KCNT1: variants seen among roughly 807,000 people sequenced by gnomAD.
KCNT1 encodes the protein potassium channel subfamily T member 1.
A neutral mutation model predicts 147.8 loss-of-function variants in KCNT1; 78 were observed. That is an observed-to-expected ratio of 0.53 (90% CI 0.44 to 0.64). The LOEUF (loss-of-function observed/expected upper bound fraction) is 0.64. Among genes scored for constraint, KCNT1 ranks in the 30% least tolerant of loss-of-function variants. KCNT1 has a pLI of 0.00. For synonymous variants in KCNT1, 867 were observed against 748.8 expected (o/e 1.16, Z -2.58); for missense variants, 1,419 against 1,750.3 (o/e 0.81, Z 3.38).
At chr9:135,706,214 T>C (rs556127) in intron 1 of KCNT1, among the ~76,000 whole-genome samples, 142,406 of 152,282 alleles carry the variant, frequency 0.94, 66,630 homozygotes, top group East Asian at 0.98. Flanking sequence ...AGCACATACT[T>C]GGTGTTTACA....
rs552478388 is a variant in KCNT1 at position 135,791,315 on chromosome 9, C to T, written c.3503-482C>T. On this transcript the variant is annotated intron_variant, in intron 29 of 30. Coordinates refer to ENST00000371757, the MANE Select transcript of KCNT1 (RefSeq NM_020822.3). ...TGAGTGTGCAGGGGTCTGTGGATAC[C>T]ATAGGCATGGGTTGCTATGAAGATC... 2.2e-5 allele frequency: 4 copies of T among 179,826 alleles called. No individual in the cohort carries two copies. In the South Asian group the frequency reaches 5.3e-4, roughly 24 times the overall value. 11.1% of individuals were successfully genotyped at this position (179,826 alleles called of 1,614,324 possible).
intron 4 of KCNT1, among the ~76,000 whole-genome samples, chr9:135,753,428 C>G (rs1268695196): frequency 6.6e-6 from 1 of 152,172 alleles, no homozygotes; most frequent in Non-Finnish European, 1.5e-5. Context: ...GCCGCTTGTC[C>G]TCAGAAGCAG....
chr9:135,746,216 G>T (rs529345473), intron 2 of KCNT1, among the ~76,000 whole-genome samples: 130 of 152,326 alleles, frequency 8.5e-4, no homozygotes, highest in Non-Finnish European at 1.6e-3. Flanking sequence ...CAGGGAGTCT[G>T]CCAGGCCCCA....
At chr9:135,710,443 A>G (rs1835438763) in intron 1 of KCNT1, among the ~76,000 whole-genome samples, 3 of 152,200 alleles carry the variant, frequency 2.0e-5, no homozygotes, top group Admixed American at 6.5e-5. Context: ...CCATTTCTCC[A>G]TCAACACAAT....
rs535907667 is a variant in KCNT1, at chr9:135,778,307, G to A, written c.2523-117G>A. 546 of 845,634 alleles carry A rather than the reference G, an allele frequency of 6.5e-4. 1 individual carries two copies. Among genetic ancestry groups the A allele is most frequent in the Non-Finnish European group, 8.7e-4 (464 of 532,470 alleles). The allele number at this position is 845,634 out of a possible 1,614,324, so 52.4% of individuals were successfully genotyped here. A position where few individuals can be genotyped will look rare whatever the true frequency, so the allele number is the denominator to read the frequency against. ...GTACTCCCCAGGTCCCATACGCTGC[G>A]GTTCTGGGGAACCCCTGCCTGGCCC... On this transcript the variant is annotated intron_variant, in intron 21 of 30. Coordinates refer to ENST00000371757, the MANE Select transcript of KCNT1 (RefSeq NM_020822.3).
chr9:135,705,494 T>C (rs1835215146), intron 1 of KCNT1, among the ~76,000 whole-genome samples: 1 of 152,142 alleles, frequency 6.6e-6, no homozygotes, highest in African/African-American at 2.4e-5. Context: ...GAGGAGGATG[T>C]GTGGGGCCCG....
At chr9:135,782,383 T>G (rs1833678182) in intron 24 of KCNT1, among the ~76,000 whole-genome samples, 1 of 152,124 alleles carries the variant, frequency 6.6e-6, no homozygotes, top group Non-Finnish European at 1.5e-5. Flanking sequence ...CACCCAGGAC[T>G]CCTCCACCAC....
chr9:135,757,472 C>T (rs879226043), intron 9 of KCNT1, 91 bp downstream of exon 9: 29 of 1,165,636 alleles, frequency 2.5e-5, no homozygotes, highest in Middle Eastern at 4.8e-4. Context: ...TAGCCTGCCA[C>T]GCCCCGGCCC....
intron 2 of KCNT1, among the ~76,000 whole-genome samples, chr9:135,723,061 C>T (rs1007089911): frequency 2.0e-5 from 3 of 152,256 alleles, no homozygotes; most frequent in African/African-American, 7.2e-5. Flanking sequence ...CTTTCCTCTC[C>T]TCTCCAGCGC....
chr9:135,723,801 T>TCGGGGCTTG (rs1313571932), intron 2 of KCNT1, among the ~76,000 whole-genome samples: 3 of 152,174 alleles, frequency 2.0e-5, no homozygotes, highest in Admixed American at 6.5e-5. Context: ...AGGCCACCCC[T>TCGGGGCTTG]CGGGGCTTGC....
At position 135,777,483 on chromosome 9, in the gene KCNT1, A is replaced by G. The variant is rs1173454349; in HGVS notation, c.2495A>G (p.Asn832Ser). The change falls in exon 21 of 31, where the codon AAC (asparagine) becomes AGC (serine). Residue 832 changes from asparagine (N) to serine (S), a missense_variant. Coordinates refer to ENST00000371757, the MANE Select transcript of KCNT1 (RefSeq NM_020822.3). ...RAYYRSRKEL[N>S]PIVLLLDNKP... ...TACTACAGATCCCGCAAGGAGCTGAACCCCATCGTGCTGCTGCTGGACAAC... is the reference window on the plus strand; with the variant it reads ...TACTACAGATCCCGCAAGGAGCTGAGCCCCATCGTGCTGCTGCTGGACAAC... 1 of 1,613,816 alleles carries G rather than the reference A, an allele frequency of 6.2e-7. No individual in the cohort carries two copies. The highest frequency in any genetic ancestry group is 8.5e-7 in the Non-Finnish European group (1 of 1,179,950).
chr9:135,783,993 C>T, intron 24 of KCNT1, 31 bp from the exon 25 acceptor site: 2 of 1,575,792 alleles, frequency 1.3e-6, no homozygotes, highest in Non-Finnish European at 1.7e-6. Flanking sequence ...ACCTCGGCAC[C>T]AGCCCATCTG....
rs1163083507 is a variant in KCNT1 at position 135,794,827 on chromosome 9, T to A, written c.*2666T>A. 6.6e-6 allele frequency: 1 copy of A among 152,088 alleles called. No homozygotes were observed. Among genetic ancestry groups the A allele is most frequent in the Non-Finnish European group, 1.5e-5 (1 of 68,020 alleles). 9.4% of individuals were successfully genotyped at this position (152,088 alleles called of 1,614,324 possible). On this transcript the variant is annotated 3_prime_UTR_variant, in exon 31 of 31. Coordinates refer to ENST00000371757, the MANE Select transcript of KCNT1 (RefSeq NM_020822.3). ...GAGCCCACTCACCAACAGCCCCAGC[T>A]TGCACAGTCATGACATCAGGAAGGT...
intron 22 of KCNT1, 41 bp from the exon 23 acceptor site, chr9:135,778,647 G>A: frequency 1.2e-6 from 2 of 1,611,650 alleles, no homozygotes; most frequent in Non-Finnish European, 1.7e-6. Context: ...GGTGGGGAGT[G>A]GGCCGCATCC....
At chr9:135,731,150 C>T (rs561947371) in intron 2 of KCNT1, among the ~76,000 whole-genome samples, 57 of 152,236 alleles carry the variant, frequency 3.7e-4, no homozygotes, top group Non-Finnish European at 3.5e-4. Context: ...CACTGGCTTC[C>T]GTACCCTTGG....
intron 2 of KCNT1, among the ~76,000 whole-genome samples, chr9:135,733,371 T>C (rs1366706556): frequency 3.5e-4 from 3 of 8,668 alleles, no homozygotes; most frequent in Non-Finnish European, 5.8e-4. Context: ...CCTGCCTTCA[T>C]ACCTGCCCCC....
At chr9:135,756,995 T>A in intron 7 of KCNT1, 63 bp downstream of exon 7, 1 of 779,022 alleles carries the variant, frequency 1.3e-6, no homozygotes, top group Non-Finnish European at 1.8e-6. Flanking sequence ...CTCCCCAGCC[T>A]CCCCCACCTC....
At chr9:135,782,924 G>C (rs944027264) in intron 24 of KCNT1, among the ~76,000 whole-genome samples, 2 of 152,174 alleles carry the variant, frequency 1.3e-5, no homozygotes, top group Non-Finnish European at 2.9e-5. Context: ...CCTTCCCACC[G>C]GCCACTGATG....
At chr9:135,751,591 T>C (rs933154005) in intron 4 of KCNT1, among the ~76,000 whole-genome samples, 7 of 152,132 alleles carry the variant, frequency 4.6e-5, no homozygotes, top group African/African-American at 1.7e-4. Flanking sequence ...TGAGGGTGGG[T>C]GGGAACTTGC....
Sources: allele counts gnomAD v4.1 joint callset (sites outside exome capture counted in the v4.1 genomes callset), GRCh38; gene constraint gnomAD v4.1.1; transcripts MANE v1.5; gene names NCBI Gene and HGNC (gene_info 2026-07-23, HGNC 2026-07-21).